ETV1: variants seen among roughly 807,000 people sequenced by gnomAD.
The protein encoded by ETV1 is ETS translocation variant 1.
A neutral mutation model predicts 62.3 loss-of-function variants in ETV1; 27 were observed. That is an observed-to-expected ratio of 0.43 (90% CI 0.32 to 0.60). The LOEUF (loss-of-function observed/expected upper bound fraction) is 0.60. Ranked by LOEUF, ETV1 falls within the 20% of genes least tolerant of loss-of-function variation. The pLI is 0.06. For missense variants in ETV1, 605 were observed against 605.8 expected (o/e 1.00, Z 0.01); for synonymous variants, 222 against 199.6 (o/e 1.11, Z -0.94).
At chr7:13,965,627 C>A (rs559428296) in intron 6 of ETV1, among the ~76,000 whole-genome samples, 26 of 152,196 alleles carry the variant, frequency 1.7e-4, no homozygotes, top group Middle Eastern at 6.8e-3. Context: ...CTGGGTTTCT[C>A]TTCATGTAAA....
intron 6 of ETV1, among the ~76,000 whole-genome samples, chr7:13,948,648 G>T (rs1394303415): frequency 6.6e-6 from 1 of 152,108 alleles, no homozygotes; most frequent in East Asian, 1.9e-4. Flanking sequence ...AGCTACAATG[G>T]CCAAATGGAG....
In ETV1 at chr7:13,935,807, G is replaced by A; in HGVS notation, c.455C>T (p.Ser152Phe). ...STPVSPLHHA[S>F]PNSTHTPKPD... Reference sequence around the variant, plus strand: ...TTTCGGTGTATGAGTTGAGTTTGGAGATGCATGATGCAGTGGGGACACTGG... The same window carrying A: ...TTTCGGTGTATGAGTTGAGTTTGGAAATGCATGATGCAGTGGGGACACTGG... The change falls in exon 8 of 14, where the codon TCT becomes TTT. Residue 152 changes from serine to phenylalanine, a missense_variant. Ser to Phe is a radical substitution (Grantham distance 155). Around this residue, in one of 3 missense-constraint regions of ETV1, gnomAD observed 426 missense variants for 377.8 expected, o/e 1.13. Coordinates refer to ENST00000430479, the MANE Select transcript of ETV1 (RefSeq NM_004956.5). 6.2e-7 allele frequency: 1 copy of A among 1,613,966 alleles called. No individual in the cohort carries two copies. The highest frequency in any genetic ancestry group is 8.5e-7 in the Non-Finnish European group (1 of 1,179,864).
At chr7:13,905,987 A>T (rs1782915130) in intron 12 of ETV1, among the ~76,000 whole-genome samples, 1 of 152,012 alleles carries the variant, frequency 6.6e-6, no homozygotes. Flanking sequence ...CTCCTCTCCA[A>T]CCCTCATGAC....
At chr7:13,935,609 G>T (rs1289411398) in intron 8 of ETV1, 99 bp downstream of exon 8, 27 of 958,160 alleles carry the variant, frequency 2.8e-5, no homozygotes, top group Non-Finnish European at 4.2e-5. Context: ...AAATTAATAG[G>T]CTCACCTTAA....
intron 6 of ETV1, among the ~76,000 whole-genome samples, chr7:13,973,753 T>C (rs1170993296): frequency 6.6e-6 from 1 of 152,216 alleles, no homozygotes; most frequent in Non-Finnish European, 1.5e-5. Context: ...TTTGTTAAAC[T>C]GTAAATATTC....
At chr7:13,949,972 G>A (rs1019213111) in intron 6 of ETV1, among the ~76,000 whole-genome samples, 3 of 152,156 alleles carry the variant, frequency 2.0e-5, no homozygotes, top group Non-Finnish European at 2.9e-5. Flanking sequence ...TTGTCAGTCT[G>A]CAGAGATCAG....
chr7:13,931,833 T>C (rs754473216), intron 8 of ETV1, 84 bp from the exon 9 acceptor site: 53 of 1,499,920 alleles, frequency 3.5e-5, no homozygotes, highest in Non-Finnish European at 4.4e-5. Flanking sequence ...CATTTCTTAG[T>C]GAACGAACAT....
upstream of ETV1, among the ~76,000 whole-genome samples, chr7:13,990,238 T>A (rs1032475850): frequency 1.3e-5 from 2 of 152,190 alleles, no homozygotes; most frequent in African/African-American, 4.8e-5. Flanking sequence ...ATCGAAACAT[T>A]TTTTAAACAG....
At position 13,894,707 on chromosome 7, in the gene ETV1, T is replaced by C. The variant is rs1781620338; in HGVS notation, c.*1159A>G. ...TGTAGTTAACTGCACTGCTTATAAA[T>C]GGTCATAGTAAATTCAGCATGAAAG... On this transcript the variant is annotated 3_prime_UTR_variant, in exon 14 of 14. Transcript: ENST00000430479. 1.3e-5 allele frequency: 3 copies of C among 232,554 alleles called. No individual in the cohort carries two copies. The highest frequency in any genetic ancestry group is 1.1e-4 in the Admixed American group (2 of 17,774). 14.4% of individuals were successfully genotyped at this position (232,554 alleles called of 1,614,324 possible). A position where few individuals can be genotyped will look rare whatever the true frequency, so the allele number is the denominator to read the frequency against.
chr7:13,949,708 T>C (rs1788577630), intron 6 of ETV1, among the ~76,000 whole-genome samples: 1 of 152,168 alleles, frequency 6.6e-6, no homozygotes, highest in Non-Finnish European at 1.5e-5. Context: ...ATTATGTCTG[T>C]GACAAAACAA....
In ETV1 at chr7:13,909,136, T is replaced by TA. The variant is rs34046311; in HGVS notation, c.940+495dup. 8.9e-4 allele frequency among the ~76,000 whole-genome samples: 124 copies of TA among 138,956 alleles called. No homozygotes were observed. In the Middle Eastern group the frequency reaches 0.028, roughly 31 times the overall value. The allele number at this position is 138,956 out of a possible 152,430, so 91.2% of individuals were successfully genotyped here. On this transcript the variant is annotated intron_variant, in intron 11 of 13. Transcript: ENST00000430479. ...ATTAGTAACATACATCTTCCCCAGT[T>TA]AAAAAAAAAAAAAAAAAGGGACTAA...
intron 12 of ETV1, among the ~76,000 whole-genome samples, chr7:13,905,655 G>T (rs1297154781): frequency 6.6e-6 from 1 of 152,184 alleles, no homozygotes; most frequent in African/African-American, 2.4e-5. Context: ...TGGGGAGTGG[G>T]AAGGAGGGGA....
chr7:13,988,386 G>T (rs1275882471), intron 3 of ETV1: 4 of 577,926 alleles, frequency 6.9e-6, no homozygotes, highest in Non-Finnish European at 1.2e-5. Flanking sequence ...AGGGAGAGTT[G>T]CTTCCCAGTG....
At position 13,983,505 on chromosome 7, in the gene ETV1, C is replaced by T. The variant is rs571256653; in HGVS notation, c.181+3133G>A. Among the ~76,000 whole-genome samples, 4 of 151,802 alleles carry T rather than the reference C, an allele frequency of 2.6e-5. No homozygotes were observed. The East Asian group carries it at 5.8e-4, about 22-fold the overall frequency. ...TCATGGGATCAAATAATTGCAATTG[C>T]CTTTCTGTCAGTAGCAGTCTAATTT... On this transcript the variant is annotated intron_variant, in intron 5 of 13. Coordinates refer to ENST00000430479, the MANE Select transcript of ETV1 (RefSeq NM_004956.5).
intron 6 of ETV1, among the ~76,000 whole-genome samples, chr7:13,939,596 TAC>T (rs1787237406): frequency 6.6e-6 from 1 of 152,192 alleles, no homozygotes; most frequent in South Asian, 2.1e-4. Context: ...GCAGAAAAAT[TAC>T]AGATGATTAG....
At chr7:13,955,964 C>T (rs1789395067) in intron 6 of ETV1, among the ~76,000 whole-genome samples, 1 of 152,128 alleles carries the variant, frequency 6.6e-6, no homozygotes, top group Admixed American at 6.5e-5. Flanking sequence ...TCCACCTGCA[C>T]AGTCTTTAAA....
intron 9 of ETV1, among the ~76,000 whole-genome samples, chr7:13,930,783 G>A (rs1415831815): frequency 1.4e-5 from 2 of 146,496 alleles, no homozygotes; most frequent in African/African-American, 4.9e-5. Context: ...TAGAATCTTT[G>A]CCACCAATAT....
At chr7:13,989,485 C>G (rs2128518352) in intron 1 of ETV1, 21 bp from the exon 2 acceptor site, 1 of 402,624 alleles carries the variant, frequency 2.5e-6, no homozygotes, top group Admixed American at 4.4e-5. Flanking sequence ...GGAGACACCT[C>G]TTTCATCAGG....
In ETV1 at chr7:13,988,595, GAA is replaced by G. The variant is rs34468165; in HGVS notation, c.45+411_45+412del. 8.5e-3 allele frequency: 6,867 copies of G among 805,112 alleles called. 14 individuals carry two copies. The highest frequency in any genetic ancestry group is 0.04 in the African/African-American group (1,046 of 25,984). 49.9% of individuals were successfully genotyped at this position (805,112 alleles called of 1,614,324 possible). A position where few individuals can be genotyped will look rare whatever the true frequency, so the allele number is the denominator to read the frequency against. On this transcript the variant is annotated intron_variant, in intron 3 of 13. Transcript: ENST00000430479. ...AAAAAAGCAAAAAGAGTAGAGAAAT[GAA>G]AAAAAAAAAAAAGAGAAAATGAGAA...
Sources: allele counts gnomAD v4.1 joint callset (sites outside exome capture counted in the v4.1 genomes callset), GRCh38; gene constraint gnomAD v4.1.1; regional missense constraint gnomAD v4.1.1; transcripts MANE v1.5; gene names NCBI Gene and HGNC (gene_info 2026-07-23, HGNC 2026-07-21).